EFHC1: variants seen among roughly 807,000 people sequenced by gnomAD.
EFHC1 encodes EF-hand domain-containing protein 1.
Under a neutral mutation model 69.9 loss-of-function variants are expected in EFHC1, and 53 were observed. The observed-to-expected ratio is 0.76, with a 90% CI of 0.61 to 0.95. The LOEUF (loss-of-function observed/expected upper bound fraction) is 0.95, where lower values mean the gene tolerates loss of function less well. EFHC1 is among the 40% of genes least tolerant of loss of function. The pLI, the probability that EFHC1 is intolerant of heterozygous loss-of-function variation, is 0.00. For synonymous variants in EFHC1, 256 were observed against 278.4 expected (o/e 0.92, Z 0.80); for missense variants, 739 against 798.7 (o/e 0.93, Z 0.90).
intron 1 of EFHC1, among the ~76,000 whole-genome samples, chr6:52,422,867 A>T (rs1764220469): frequency 1.3e-5 from 2 of 152,168 alleles, no homozygotes. Context: ...TACACATATA[A>T]TTTTATATGT....
At chr6:52,446,486 C>T (rs1350176898) in intron 3 of EFHC1, among the ~76,000 whole-genome samples, 1 of 152,194 alleles carries the variant, frequency 6.6e-6, no homozygotes, top group African/African-American at 2.4e-5. Flanking sequence ...CTGAATACAG[C>T]ACACTGATGG....
At chr6:52,453,751 A>G in intron 4 of EFHC1, 4 of 1,242,542 alleles carry the variant, frequency 3.2e-6, no homozygotes, top group Non-Finnish European at 2.1e-6. Flanking sequence ...ATTCACATGT[A>G]CCTTTATTAA....
chr6:52,482,194 T>A (rs1266791), intron 9 of EFHC1: 90,471 of 151,682 alleles, frequency 0.6, 27,409 homozygotes, highest in East Asian at 0.75. Context: ...TACAAAAAAA[T>A]TAGCTAGGCA....
At position 52,495,534 on chromosome 6, in the gene EFHC1, A is replaced by T; in HGVS notation, c.*3193A>T. On this transcript the variant is annotated 3_prime_UTR_variant, in exon 11 of 11. Transcript: ENST00000371068. ...GCTTTGGGTCTCAGCCAAAATGGAG[A>T]TTTAGGAAAGTCTCATTTAGCATCC... is the stretch of plus-strand genomic sequence containing the variant. 1 of 454,064 alleles carries T rather than the reference A, an allele frequency of 2.2e-6. No individual in the cohort carries two copies. Among genetic ancestry groups the T allele is most frequent in the South Asian group, 1.6e-5 (1 of 64,468 alleles). The allele number at this position is 454,064 out of a possible 1,614,324, so 28.1% of individuals were successfully genotyped here.
chr6:52,491,093 G>A (rs1419370039), intron 10 of EFHC1: 1 of 152,244 alleles, frequency 6.6e-6, no homozygotes, highest in East Asian at 1.9e-4. Context: ...TTGGTTTAGG[G>A]CTAGTGACTA....
chr6:52,480,215 A>G (rs1765645616), intron 9 of EFHC1: 1 of 276,604 alleles, frequency 3.6e-6, no homozygotes, highest in African/African-American at 2.2e-5. Flanking sequence ...AATAATAAGA[A>G]AGAGAAAATT....
At chr6:52,466,606 C>A (rs1165856107) in intron 6 of EFHC1, among the ~76,000 whole-genome samples, 1 of 152,160 alleles carries the variant, frequency 6.6e-6, no homozygotes, top group Non-Finnish European at 1.5e-5. Context: ...CCCTTGAGGC[C>A]AAGGACTATG....
Position 52,494,310 on chromosome 6 carries a change from T to A in EFHC1, c.*1969T>A, listed in dbSNP as rs1765990402. The A allele has an allele frequency of 2.2e-6, 1 of 454,154 alleles. No homozygotes were observed. The highest frequency in any genetic ancestry group is 4.4e-6 in the Non-Finnish European group (1 of 226,790). The allele number at this position is 454,154 out of a possible 1,614,324, so 28.1% of individuals were successfully genotyped here. A position where few individuals can be genotyped will look rare whatever the true frequency, so the allele number is the denominator to read the frequency against. ...TATCCTACTTGGCCCAGCTCAGTCC[T>A]TCCCCCAGGCTTAGAAGCCTGTGGT... On this transcript the variant is annotated 3_prime_UTR_variant, in exon 11 of 11. Coordinates refer to ENST00000371068, the MANE Select transcript of EFHC1 (RefSeq NM_018100.4).
chr6:52,492,358 T>A lies in EFHC1; in HGVS notation c.*17T>A. The A allele has an allele frequency of 6.2e-7, 1 of 1,611,608 alleles. No individual in the cohort carries two copies. Among genetic ancestry groups the A allele is most frequent in the Non-Finnish European group, 8.5e-7 (1 of 1,178,038 alleles). ...TCAAACTGACCTGCTGATGAGAAAA[T>A]GCAAGACAATTTTTGATACTGGAAC... On this transcript the variant is annotated 3_prime_UTR_variant, in exon 11 of 11. Transcript: ENST00000371068.
intron 1 of EFHC1, 189 bp from the exon 2 acceptor site, chr6:52,423,757 C>G: frequency 2.9e-6 from 4 of 1,399,664 alleles, no homozygotes; most frequent in Non-Finnish European, 3.9e-6. Context: ...TCTCCCTCTT[C>G]AGCCTCCCAG....
intron 2 of EFHC1, chr6:52,437,771 G>A (rs1764564962): frequency 6.3e-6 from 1 of 159,460 alleles, no homozygotes; most frequent in African/African-American, 2.4e-5. Context: ...ACTTAAAGGT[G>A]GCATACCTCT....
intron 7 of EFHC1, among the ~76,000 whole-genome samples, chr6:52,476,031 TGA>T (rs1765538672): frequency 6.6e-6 from 1 of 152,006 alleles, no homozygotes; most frequent in South Asian, 2.1e-4. Flanking sequence ...GGGGAATACC[TGA>T]GAGAGCTTCA....
rs79761183 is a variant in EFHC1, at chr6:52,452,776, G to C, written c.662G>C (p.Arg221Pro). ...ACTGAACTCCGAAAACAGCCTCTTC[G>C]TAAGTATGTCACCCCATCAGACTTT... ...PYTELRKQPL[R>P]KYVTPSDFDQ... is the part of the protein sequence containing the mutation. Residue 221 changes from arginine (R) to proline (P), a missense_variant, in exon 4 of 11, where the codon CGT (arginine) becomes CCT (proline). By Grantham distance (103) the Arg-to-Pro change is moderately radical. Coordinates refer to ENST00000371068, the MANE Select transcript of EFHC1 (RefSeq NM_018100.4). The C allele has an allele frequency of 2.5e-6, 4 of 1,614,130 alleles. No individual in the cohort carries two copies. Among genetic ancestry groups the C allele is most frequent in the Non-Finnish European group, 3.4e-6 (4 of 1,180,022 alleles).
chr6:52,460,677 A>T (rs916300860), intron 5 of EFHC1, among the ~76,000 whole-genome samples: 1 of 152,232 alleles, frequency 6.6e-6, no homozygotes, highest in African/African-American at 2.4e-5. Context: ...TGACTTCTGT[A>T]GCAACAGTGA....
At position 52,447,697 on chromosome 6, in the gene EFHC1, G is replaced by T. The variant is rs530469891; in HGVS notation, c.574-4991G>T. Among the ~76,000 whole-genome samples, 310 of 152,324 alleles carry T rather than the reference G, an allele frequency of 2.0e-3. 2 individuals are homozygous for T. Among genetic ancestry groups the T allele is most frequent in the African/African-American group, 6.7e-3 (277 of 41,576 alleles). On this transcript the variant is annotated intron_variant, in intron 3 of 10. Transcript: ENST00000371068. Reference sequence around the variant, plus strand: ...TCTGCTCTGGTTTCTCCCCATGTTTGTGGTTTTATCTACCTTTGGTCTTTG... The same window carrying T: ...TCTGCTCTGGTTTCTCCCCATGTTTTTGGTTTTATCTACCTTTGGTCTTTG...
rs1434096999 is a variant in EFHC1 at position 52,423,914 on chromosome 6, T to A, written c.64-32T>A. 3 of 1,612,438 alleles carry A rather than the reference T, an allele frequency of 1.9e-6. No individual in the cohort carries two copies. The South Asian group carries it at 3.3e-5, about 18-fold the overall frequency. Reference sequence around the variant, plus strand: ...TTTTACCTAACAAATATTTGTCTAATGTTATTAATGACACATTCTTTTCTT... The same window carrying A: ...TTTTACCTAACAAATATTTGTCTAAAGTTATTAATGACACATTCTTTTCTT... On this transcript the variant is annotated intron_variant, in intron 1 of 10. Transcript: ENST00000371068.
At chr6:52,478,897 C>T (rs1765602431) in intron 7 of EFHC1, 140 bp from the exon 8 acceptor site, 1 of 781,842 alleles carries the variant, frequency 1.3e-6, no homozygotes, top group African/African-American at 1.7e-5. Flanking sequence ...ACCAGAGTTT[C>T]CCCATAGATG....
chr6:52,475,445 G>A (rs1398921830), intron 7 of EFHC1, among the ~76,000 whole-genome samples: 4 of 152,190 alleles, frequency 2.6e-5, no homozygotes, highest in Non-Finnish European at 5.9e-5. Flanking sequence ...GTAAAAATAT[G>A]CTGGTAAACT....
intron 7 of EFHC1, among the ~76,000 whole-genome samples, chr6:52,471,664 G>C (rs1368017771): frequency 1.3e-5 from 2 of 152,050 alleles, no homozygotes; most frequent in African/African-American, 4.8e-5. Context: ...TCAGGAATTT[G>C]AGACCAGCCT....
Sources: allele counts gnomAD v4.1 joint callset (sites outside exome capture counted in the v4.1 genomes callset), GRCh38; gene constraint gnomAD v4.1.1; transcripts MANE v1.5; gene names NCBI Gene and HGNC (gene_info 2026-07-23, HGNC 2026-07-21).